Variants in ENPP6 observed in about 807,000 individuals in gnomAD.
The protein encoded by ENPP6 is ectonucleotide pyrophosphatase/phosphodiesterase 6.
Under a neutral mutation model 42.0 loss-of-function variants are expected in ENPP6, and 32 were observed. That is an observed-to-expected ratio of 0.76 (90% CI 0.58 to 1.02). ENPP6 has a LOEUF of 1.02. Ranked by LOEUF, ENPP6 falls within the 50% of genes least tolerant of loss-of-function variation. ENPP6 has a pLI of 0.00. For missense variants in ENPP6, 552 were observed against 566.8 expected (o/e 0.97, Z 0.27); for synonymous variants, 213 against 216.0 (o/e 0.99, Z 0.12).
At chr4:184,207,239 TC>T (rs1277101013) in intron 1 of ENPP6, among the ~76,000 whole-genome samples, 2 of 152,252 alleles carry the variant, frequency 1.3e-5, no homozygotes, top group Admixed American at 6.5e-5. Flanking sequence ...TAGACTGGCT[TC>T]CCCGCTACTC....
chr4:184,090,197 C>T lies in ENPP6; in HGVS notation c.*980G>A, dbSNP rs376711266. On this transcript the variant is annotated 3_prime_UTR_variant, in exon 8 of 8. Coordinates refer to ENST00000296741, the MANE Select transcript of ENPP6 (RefSeq NM_153343.4). ...TGCATCACCTCTCTGAGCAACCCAC[C>T]GAGATCCTTGCTGATGCCTCCACAT... 1.1e-4 allele frequency: 17 copies of T among 152,296 alleles called. No homozygotes were observed. Among genetic ancestry groups the T allele is most frequent in the African/African-American group, 2.7e-4 (11 of 41,444 alleles). The allele number at this position is 152,296 out of a possible 1,614,324, so 9.4% of individuals were successfully genotyped here.
chr4:184,096,432 AAAG>A (rs1232832306), intron 7 of ENPP6, among the ~76,000 whole-genome samples: 2 of 152,212 alleles, frequency 1.3e-5, no homozygotes, highest in African/African-American at 2.4e-5. Context: ...CTGTGCTAAG[AAAG>A]AAGGATAGCT....
chr4:184,163,472 A>G (rs1737300212), intron 1 of ENPP6, among the ~76,000 whole-genome samples: 1 of 152,190 alleles, frequency 6.6e-6, no homozygotes, highest in Admixed American at 6.5e-5. Flanking sequence ...TTCCATGACA[A>G]TAACAGATTT....
intron 6 of ENPP6, among the ~76,000 whole-genome samples, chr4:184,107,974 A>G (rs1213394471): frequency 6.6e-6 from 1 of 152,154 alleles, no homozygotes; most frequent in Non-Finnish European, 1.5e-5. Context: ...ACGCCTCTCT[A>G]AGAAATCCTA....
In ENPP6 at chr4:184,191,425, C is replaced by T. The variant is rs964232213; in HGVS notation, c.241+26154G>A. 2.6e-5 allele frequency among the ~76,000 whole-genome samples: 4 copies of T among 152,154 alleles called. No individual in the cohort carries two copies. The East Asian group carries it at 5.8e-4, about 22-fold the overall frequency. On this transcript the variant is annotated intron_variant, in intron 1 of 7. Coordinates refer to ENST00000296741, the MANE Select transcript of ENPP6 (RefSeq NM_153343.4). ...GTTCTGCTCCCTGCTTGACTGAATC[C>T]GGCTACTTGTAATAAAGGAAGACAA...
At position 184,117,016 on chromosome 4, in the gene ENPP6, C is replaced by T. The variant is rs139781867; in HGVS notation, c.695G>A (p.Arg232His). The T allele has an allele frequency of 3.9e-5, 63 of 1,614,166 alleles. No individual in the cohort carries two copies. The African/African-American group carries it at 5.7e-4, about 15-fold the overall frequency. ...KWIQERGLQD[R>H]LNVIIFSDHG... ...ATCCGAGAAAATAATGACGTTCAGG[C>T]GGTCCTGCAGGCCCCGCTCCTGTGG... is the stretch of plus-strand genomic sequence containing the variant. Residue 232 changes from arginine (R) to histidine (H), a missense_variant, in exon 5 of 8, where the codon CGC (arginine) becomes CAC (histidine). Transcript: ENST00000296741.
At chr4:184,100,443 G>T (rs894261589) in intron 6 of ENPP6, among the ~76,000 whole-genome samples, 1 of 152,212 alleles carries the variant, frequency 6.6e-6, no homozygotes, top group African/African-American at 2.4e-5. Flanking sequence ...ACCCCATCCA[G>T]CCACTGCGGG....
intron 1 of ENPP6, among the ~76,000 whole-genome samples, chr4:184,200,413 C>T (rs143416864): frequency 2.6e-5 from 4 of 152,318 alleles, no homozygotes; most frequent in East Asian, 1.9e-4. Flanking sequence ...GGCCTCTCAA[C>T]AAAAGGTGGA....
chr4:184,160,066 G>T (rs1056374452), intron 1 of ENPP6, among the ~76,000 whole-genome samples: 1 of 152,178 alleles, frequency 6.6e-6, no homozygotes, highest in African/African-American at 2.4e-5. Context: ...TGGGCACTTA[G>T]GTTGGTTCCA....
intron 1 of ENPP6, among the ~76,000 whole-genome samples, chr4:184,162,912 G>A (rs1737290340): frequency 6.6e-6 from 1 of 152,086 alleles, no homozygotes; most frequent in South Asian, 2.1e-4. Context: ...AGGAGGAATG[G>A]CAGCAGCGTG....
At chr4:184,163,036 G>C (rs1348203107) in intron 1 of ENPP6, among the ~76,000 whole-genome samples, 1 of 152,216 alleles carries the variant, frequency 6.6e-6, no homozygotes, top group Non-Finnish European at 1.5e-5. Flanking sequence ...CTCAAGGCAG[G>C]CTGGAGAAAC....
At chr4:184,096,305 A>G (rs1319458579) in intron 7 of ENPP6, among the ~76,000 whole-genome samples, 1 of 152,206 alleles carries the variant, frequency 6.6e-6, no homozygotes, top group African/African-American at 2.4e-5. Context: ...GTAACCTATA[A>G]TTTGAAAGGC....
Position 184,116,981 on chromosome 4 carries a change from T to G in ENPP6, c.730A>C (p.Thr244Pro), listed in dbSNP as rs1283962269. The change falls in exon 5 of 8, where the codon ACC (threonine) becomes CCC (proline). Residue 244 changes from threonine (T) to proline (P), a missense_variant. Physicochemically the swap from Thr to Pro is conservative, Grantham distance 38 (BLOSUM62 -1). Coordinates refer to ENST00000296741, the MANE Select transcript of ENPP6 (RefSeq NM_153343.4). ...NVIIFSDHGMTDIFWMDKVIE... is the reference protein window; with the variant it reads ...NVIIFSDHGMPDIFWMDKVIE... ...ACTTTGTCCATCCAGAAAATGTCGG[T>G]CATTCCGTGATCCGAGAAAATAATG... 1 of 1,614,222 alleles carries G rather than the reference T, an allele frequency of 6.2e-7. No homozygotes were observed. The highest frequency in any genetic ancestry group is 8.5e-7 in the Non-Finnish European group (1 of 1,180,048).
chr4:184,095,363 A>T (rs1347729926), intron 7 of ENPP6, among the ~76,000 whole-genome samples: 1 of 152,114 alleles, frequency 6.6e-6, no homozygotes, highest in Admixed American at 6.6e-5. Context: ...CTGCTTTAAA[A>T]TATTCCTGAG....
chr4:184,169,681 A>G (rs574362312), intron 1 of ENPP6, among the ~76,000 whole-genome samples: 1 of 152,352 alleles, frequency 6.6e-6, no homozygotes, highest in Admixed American at 6.5e-5. Flanking sequence ...TCTAGGCCGC[A>G]GTTGAGGCTT....
chr4:184,137,452 G>C (rs1736748527), intron 2 of ENPP6, among the ~76,000 whole-genome samples: 1 of 152,098 alleles, frequency 6.6e-6, no homozygotes, highest in Non-Finnish European at 1.5e-5. Flanking sequence ...TTTCAGTCAG[G>C]CCTTGTTTTC....
chr4:184,116,618 A>T (rs1466461916), intron 5 of ENPP6, among the ~76,000 whole-genome samples: 1 of 152,118 alleles, frequency 6.6e-6, no homozygotes, highest in African/African-American at 2.4e-5. Context: ...CTATAGACCC[A>T]GCTGCTCAGG....
intron 2 of ENPP6, among the ~76,000 whole-genome samples, chr4:184,127,136 C>A (rs765250936): frequency 6.6e-6 from 1 of 151,888 alleles, no homozygotes; most frequent in East Asian, 1.9e-4. Context: ...TTACAACATA[C>A]GTAAAAGTAA....
chr4:184,103,149 G>A lies in ENPP6; in HGVS notation c.994-5781C>T, dbSNP rs140043145. 3.0e-3 allele frequency among the ~76,000 whole-genome samples: 464 copies of A among 152,366 alleles called. 5 individuals carry two copies. The highest frequency in any genetic ancestry group is 0.011 in the African/African-American group (445 of 41,586). On this transcript the variant is annotated intron_variant, in intron 6 of 7. Transcript: ENST00000296741. The stretch of plus-strand genomic sequence containing the variant: ...GTACAGGGCTGCTTTCCAACAGGCG[G>A]GAGCCAGGGTGGCCCTCCAGCTGCT...
Sources: allele counts gnomAD v4.1 joint callset (sites outside exome capture counted in the v4.1 genomes callset), GRCh38; gene constraint gnomAD v4.1.1; transcripts MANE v1.5; gene names NCBI Gene and HGNC (gene_info 2026-07-23, HGNC 2026-07-21).